The following RANBP2 variants were observed in gnomAD, a reference collection of about 807,000 sequenced individuals.
The protein encoded by RANBP2 is E3 SUMO-protein ligase RanBP2.
In RANBP2, 57 loss-of-function variants were observed where a neutral mutation model predicts 303.6. The ratio of observed to expected loss-of-function variants is 0.19; its 90% CI spans 0.15 to 0.23. RANBP2 has a LOEUF of 0.23. RANBP2 is among the 10% of genes least tolerant of loss of function. The pLI is 1.00. For missense variants in RANBP2, 3,138 were observed against 3,780.8 expected, an observed-to-expected ratio of 0.83 and a Z score of 4.46; for synonymous variants, 1,167 against 1,301.5, an observed-to-expected ratio of 0.90 and a Z score of 2.23.
the RANBP2 span, among the ~76,000 whole-genome samples, chr2:109,401,357 C>T: frequency 1.3e-5 from 2 of 152,156 alleles, no homozygotes; most frequent in East Asian, 3.9e-4. Context: ...GCGGCCTGGC[C>T]CTTGTGGACC....
chr2:109,685,468 C>T, the RANBP2 span, among the ~76,000 whole-genome samples: 1,548 of 152,342 alleles, frequency 0.01, 104 homozygotes, highest in Admixed American at 0.09. Flanking sequence ...ATGCTTCTCA[C>T]ACCCTCAGAA....
the RANBP2 span, among the ~76,000 whole-genome samples, chr2:109,590,065 T>C: frequency 2.0e-5 from 3 of 148,218 alleles, no homozygotes; most frequent in East Asian, 3.9e-4. Flanking sequence ...TGTATATATA[T>C]ACACACACAT....
the RANBP2 span, chr2:108,923,306 C>T: frequency 6.6e-7 from 1 of 1,506,244 alleles, no homozygotes; most frequent in African/African-American, 1.4e-5. Flanking sequence ...CCTACACCCT[C>T]TGTAGTGAAA....
chr2:109,577,466 G>A, the RANBP2 span, among the ~76,000 whole-genome samples: 1 of 151,794 alleles, frequency 6.6e-6, no homozygotes, highest in African/African-American at 2.4e-5. Context: ...GATGGCAGGT[G>A]CCTGTATCCC....
the RANBP2 span, among the ~76,000 whole-genome samples, chr2:109,694,286 G>GT: frequency 6.6e-6 from 1 of 152,122 alleles, no homozygotes; most frequent in African/African-American, 2.4e-5. Context: ...CTCTGGCAGT[G>GT]TGACAGGTAA....
the RANBP2 span, chr2:109,565,831 C>T: frequency 2.5e-6 from 4 of 1,613,814 alleles, no homozygotes; most frequent in African/African-American, 4.0e-5. Context: ...CTCATCCATA[C>T]TTCCCACAAC....
the RANBP2 span, among the ~76,000 whole-genome samples, chr2:109,057,287 A>G: frequency 6.6e-6 from 1 of 152,226 alleles, no homozygotes; most frequent in Non-Finnish European, 1.5e-5. Context: ...CATAGTGTTA[A>G]GTTGATCTAT....
chr2:109,721,026 C>T, the RANBP2 span, among the ~76,000 whole-genome samples: 2 of 152,182 alleles, frequency 1.3e-5, no homozygotes, highest in Non-Finnish European at 2.9e-5. Flanking sequence ...GGTGCAGCAT[C>T]ACTAAGATCA....
the RANBP2 span, among the ~76,000 whole-genome samples, chr2:109,622,542 C>G: frequency 1.3e-5 from 2 of 152,134 alleles, no homozygotes; most frequent in African/African-American, 4.8e-5. Flanking sequence ...TTTGCATTTT[C>G]CAGTGTCACC....
chr2:108,945,922 A>T, the RANBP2 span, among the ~76,000 whole-genome samples: 3 of 152,220 alleles, frequency 2.0e-5, no homozygotes, highest in Non-Finnish European at 4.4e-5. Context: ...TGTCATGAAG[A>T]TGCCTATTCT....
At chr2:108,780,427 C>T (rs917638987) in intron 25 of RANBP2, among the ~76,000 whole-genome samples, 5 of 143,196 alleles carry the variant, frequency 3.5e-5, no homozygotes, top group Admixed American at 1.5e-4. Context: ...TGCAGTGGGG[C>T]GGTATCTGAT....
chr2:109,601,207 A>C, the RANBP2 span, among the ~76,000 whole-genome samples: 3 of 152,252 alleles, frequency 2.0e-5, no homozygotes, highest in Admixed American at 6.5e-5. Flanking sequence ...CCAACCCTCT[A>C]ATCTTGCCTT....
At chr2:109,583,242 G>C in the RANBP2 span, among the ~76,000 whole-genome samples, 3 of 152,038 alleles carry the variant, frequency 2.0e-5, no homozygotes, top group Admixed American at 6.6e-5. Flanking sequence ...CTACAGAATG[G>C]GAGAAAATTT....
In RANBP2 at chr2:108,726,587, G is replaced by A. The variant is rs1222818140; in HGVS notation, c.73-2545G>A. ...TTGGCTGGCATCTTGTCCTCACATG[G>A]CAGAGGGAGAGTACTGTAGTCTCAC... On this transcript the variant is annotated intron_variant, in intron 1 of 28. Transcript: ENST00000283195. Among the ~76,000 whole-genome samples the A allele has an allele frequency of 2.6e-5, 4 of 151,768 alleles. No homozygotes were observed. In the East Asian group the frequency reaches 5.8e-4, roughly 22 times the overall value.
the RANBP2 span, among the ~76,000 whole-genome samples, chr2:108,857,144 T>C: frequency 6.6e-5 from 9 of 137,320 alleles, no homozygotes; most frequent in Non-Finnish European, 1.4e-4. Flanking sequence ...AGTGGCACGA[T>C]CTCAGCTCAC....
At chr2:109,584,100 C>A in the RANBP2 span, among the ~76,000 whole-genome samples, 7 of 152,036 alleles carry the variant, frequency 4.6e-5, no homozygotes, top group Admixed American at 1.3e-4. Flanking sequence ...ACACAATATA[C>A]CCATGTAATA....
At chr2:108,984,810 A>G in the RANBP2 span, among the ~76,000 whole-genome samples, 1 of 152,112 alleles carries the variant, frequency 6.6e-6, no homozygotes, top group East Asian at 1.9e-4. Context: ...GTTACTCACT[A>G]CATCCCAGCA....
intron 8 of RANBP2, 118 bp from the exon 9 acceptor site, chr2:108,748,802 G>C: frequency 6.3e-7 from 1 of 1,589,766 alleles, no homozygotes; most frequent in South Asian, 1.1e-5. Flanking sequence ...TTTTTGGGTT[G>C]GAGGGTTAGG....
At chr2:109,578,701 T>C in the RANBP2 span, among the ~76,000 whole-genome samples, 6 of 151,774 alleles carry the variant, frequency 4.0e-5, no homozygotes, top group East Asian at 1.2e-3. Flanking sequence ...TGGGAGGCGG[T>C]GGTTACAGTG....
Sources: allele counts gnomAD v4.1 joint callset (sites outside exome capture counted in the v4.1 genomes callset), GRCh38; gene constraint gnomAD v4.1.1; transcripts MANE v1.5; gene names NCBI Gene and HGNC (gene_info 2026-07-23, HGNC 2026-07-21).